Variants in ZNF292 observed in about 807,000 individuals in gnomAD.
ZNF292 encodes zinc finger protein 292.
In ZNF292, 26 loss-of-function variants were observed where a neutral mutation model predicts 217.9. That is an observed-to-expected ratio of 0.12 (90% CI 0.09 to 0.17). The LOEUF is 0.17. ZNF292 is among the 10% of genes least tolerant of loss of function. The probability of loss-of-function intolerance (pLI) is 1.00; values close to 1 mark genes in which losing one functional copy is unlikely to be tolerated. For missense variants in ZNF292, 2,904 were observed against 3,175.2 expected, an observed-to-expected ratio of 0.91 and a Z score of 2.05; for synonymous variants, 1,257 against 1,124.1, an observed-to-expected ratio of 1.12 and a Z score of -2.37.
At position 87,201,084 on chromosome 6, in the gene ZNF292, C is replaced by CT. The variant is rs1772086852; in HGVS notation, c.169-14819_169-14818insT. Among the ~76,000 whole-genome samples, 3 of 152,274 alleles carry CT rather than the reference C, an allele frequency of 2.0e-5. 1 individual carries two copies. The South Asian group carries it at 6.2e-4, about 32-fold the overall frequency. ...TGGGAGAGAGATGATATAAAGGCAACATACTCAGAAGTAAAAATGGTGGTG... is the reference window on the plus strand; with the variant it reads ...TGGGAGAGAGATGATATAAAGGCAACTATACTCAGAAGTAAAAATGGTGGTG... On this transcript the variant is annotated intron_variant, in intron 1 of 7. Transcript: ENST00000369577.
intron 7 of ZNF292, among the ~76,000 whole-genome samples, chr6:87,253,481 C>T (rs1370289646): frequency 2.0e-5 from 3 of 152,082 alleles, no homozygotes; most frequent in Admixed American, 1.3e-4. Flanking sequence ...CCTCCTGCCT[C>T]GGCCTTCCAA....
chr6:87,262,398 T>C lies in ZNF292; in HGVS notation c.*597T>C, dbSNP rs1296548802. 1 of 152,088 alleles carries C rather than the reference T, an allele frequency of 6.6e-6. No individual in the cohort carries two copies. Among genetic ancestry groups the C allele is most frequent in the African/African-American group, 2.4e-5 (1 of 41,454 alleles). 9.4% of individuals were successfully genotyped at this position (152,088 alleles called of 1,614,324 possible). On this transcript the variant is annotated 3_prime_UTR_variant, in exon 8 of 8. Coordinates refer to ENST00000369577, the MANE Select transcript of ZNF292 (RefSeq NM_015021.3). Reference sequence around the variant, plus strand: ...GATATCAAGATTACTTTTCACAAAATAGGCACATTATATCAACACTTTGCT... The same window carrying C: ...GATATCAAGATTACTTTTCACAAAACAGGCACATTATATCAACACTTTGCT...
intron 1 of ZNF292, among the ~76,000 whole-genome samples, chr6:87,192,376 T>G (rs1213758984): frequency 2.0e-5 from 3 of 151,824 alleles, no homozygotes; most frequent in African/African-American, 4.8e-5. Context: ...TTTTTTTTTT[T>G]AACCCTAGCG....
In ZNF292 at chr6:87,255,630, A is replaced by G. The variant is rs370027286; in HGVS notation, c.2001A>G (p.Pro667=). ...ATGACAAAGATAAATCCTATGAGCCAGAAGTGATTCCAGTCCAGAAACCAG... is the reference window on the plus strand; with the variant it reads ...ATGACAAAGATAAATCCTATGAGCCGGAAGTGATTCCAGTCCAGAAACCAG... ...ENDDKDKSYE[P]EVIPVQKPVP... Residue 667 remains proline, a synonymous_variant, in exon 8 of 8, where the codon CCA becomes CCG. Transcript: ENST00000369577. 7.4e-6 allele frequency: 12 copies of G among 1,612,858 alleles called. 1 individual carries two copies. The highest frequency in any genetic ancestry group is 5.3e-5 in the African/African-American group (4 of 75,060).
At chr6:87,221,068 T>C (rs1022471733) in intron 4 of ZNF292, among the ~76,000 whole-genome samples, 1 of 152,228 alleles carries the variant, frequency 6.6e-6, no homozygotes, top group African/African-American at 2.4e-5. Context: ...ACTAATCTGA[T>C]TAATTCTGAG....
At chr6:87,192,791 G>A (rs1017208779) in intron 1 of ZNF292, among the ~76,000 whole-genome samples, 3 of 152,112 alleles carry the variant, frequency 2.0e-5, no homozygotes, top group African/African-American at 7.2e-5. Flanking sequence ...CTCTACTGAT[G>A]AACGTTTACT....
rs770009454 is a variant in ZNF292, at chr6:87,258,683, A to G, written c.5054A>G (p.Asn1685Ser). 25 of 1,613,394 alleles carry G rather than the reference A, an allele frequency of 1.5e-5. 1 individual carries two copies. The East Asian group carries it at 4.7e-4, about 30-fold the overall frequency. ...PTCEPQSLVE[N>S]LTQKLNNVNN... ...TGTGAACCTCAGAGTTTGGTGGAAA[A>G]TCTAACACAGAAATTAAATAATGTT... Residue 1685 changes from asparagine to serine, a missense_variant, in exon 8 of 8, where the codon AAT (asparagine) becomes AGT (serine). Asn to Ser is a conservative substitution (Grantham distance 46). This residue lies in a region of ZNF292 where 622 missense variants were observed against 573.1 expected (regional missense o/e 1.09). Transcript: ENST00000369577.
chr6:87,188,730 T>TA, intron 1 of ZNF292, among the ~76,000 whole-genome samples: 1 of 151,046 alleles, frequency 6.6e-6, no homozygotes, highest in East Asian at 2.0e-4. Context: ...TTTTTTTTAT[T>TA]AAACAGTTTA....
chr6:87,198,173 A>G (rs1772010140), intron 1 of ZNF292, among the ~76,000 whole-genome samples: 1 of 144,620 alleles, frequency 6.9e-6, no homozygotes, highest in African/African-American at 2.7e-5. Context: ...TCACCATTGC[A>G]TGTTTATTTT....
At chr6:87,194,008 A>T (rs892249804) in intron 1 of ZNF292, among the ~76,000 whole-genome samples, 1 of 152,234 alleles carries the variant, frequency 6.6e-6, no homozygotes, top group Non-Finnish European at 1.5e-5. Flanking sequence ...GAGGAAGAGG[A>T]AAAACAAGAA....
At position 87,256,607 on chromosome 6, in the gene ZNF292, A is replaced by T. The variant is rs764055339; in HGVS notation, c.2978A>T (p.Asp993Val). ...GGTTTCCAGGAGAGAAAAGAACAAG[A>T]TTGCTTTAATGATGCCCATGTTACT... ...HPGFQERKEQ[D>V]CFNDAHVTQN... Residue 993 changes from aspartate (D) to valine (V), a missense_variant, in exon 8 of 8, where the codon GAT becomes GTT. Asp to Val is a radical substitution (Grantham distance 152). Coordinates refer to ENST00000369577, the MANE Select transcript of ZNF292 (RefSeq NM_015021.3). 17 of 1,613,550 alleles carry T rather than the reference A, an allele frequency of 1.1e-5. No homozygotes were observed. Among genetic ancestry groups the T allele is most frequent in the Non-Finnish European group, 1.4e-5 (17 of 1,179,838 alleles).
At chr6:87,174,585 T>C (rs1470229476) in intron 1 of ZNF292, among the ~76,000 whole-genome samples, 1 of 152,132 alleles carries the variant, frequency 6.6e-6, no homozygotes, top group East Asian at 1.9e-4. Context: ...CTCTTTCTAC[T>C]GCTTGCTTCG....
Position 87,155,646 on chromosome 6 carries a change from G to C in ZNF292, c.55G>C (p.Val19Leu). Residue 19 changes from valine (V) to leucine (L), a missense_variant, in exon 1 of 8, where the codon GTC becomes CTC. Val to Leu is a conservative substitution (Grantham distance 32). Around this residue, in one of 15 missense-constraint regions of ZNF292, gnomAD observed 66 missense variants for 44.1 expected, o/e 1.50. Transcript: ENST00000369577. ...ERLSCGEGGC[V>L]AELQRLGERL... ...GTTGAGTTGCGGCGAAGGCGGCTGC[G>C]TCGCGGAGCTGCAGCGCCTGGGCGA... 1 of 1,582,692 alleles carries C rather than the reference G, an allele frequency of 6.3e-7. No homozygotes were observed. The highest frequency in any genetic ancestry group is 8.6e-7 in the Non-Finnish European group (1 of 1,166,098).
intron 1 of ZNF292, among the ~76,000 whole-genome samples, chr6:87,166,160 A>G (rs1770905801): frequency 6.6e-6 from 1 of 152,196 alleles, no homozygotes; most frequent in Admixed American, 6.5e-5. Context: ...GCATTTAAGC[A>G]TGAACCCATT....
intron 7 of ZNF292, among the ~76,000 whole-genome samples, chr6:87,246,318 A>G (rs1774580713): frequency 6.6e-6 from 1 of 152,288 alleles, no homozygotes; most frequent in Non-Finnish European, 1.5e-5. Context: ...GCAGAAGGGA[A>G]GATTACATTA....
rs573081739 is a variant in ZNF292 at position 87,157,730 on chromosome 6, C to T, written c.168+1971C>T. On this transcript the variant is annotated intron_variant, in intron 1 of 7. Coordinates refer to ENST00000369577, the MANE Select transcript of ZNF292 (RefSeq NM_015021.3). ...GAGATATGGAGTCTTGCTCTGTCAC[C>T]CGGGCTGGAGTGCAGTGGTGCGATC... Among the ~76,000 whole-genome samples the T allele has an allele frequency of 7.7e-4, 117 of 152,146 alleles. 1 individual carries two copies. The South Asian group carries it at 0.023, about 30-fold the overall frequency.
chr6:87,260,024 T>C lies in ZNF292; in HGVS notation c.6395T>C (p.Ile2132Thr). ...FAAFTIQQNL[I>T]LHYQAVHKSD... is the part of the protein sequence containing the mutation. ...GCCTTTACGATACAGCAAAACTTGATTCTCCATTACCAGGCTGTACACAAA... is the reference window on the plus strand; with the variant it reads ...GCCTTTACGATACAGCAAAACTTGACTCTCCATTACCAGGCTGTACACAAA... The change falls in exon 8 of 8, where the codon ATT becomes ACT. Residue 2132 changes from isoleucine to threonine, a missense_variant. Physicochemically the swap from Ile to Thr is moderately conservative, Grantham distance 89. Around this residue, in one of 15 missense-constraint regions of ZNF292, gnomAD observed 261 missense variants for 272.8 expected, o/e 0.96. Transcript: ENST00000369577. The C allele has an allele frequency of 6.2e-7, 1 of 1,613,632 alleles. No homozygotes were observed. The highest frequency in any genetic ancestry group is 8.5e-7 in the Non-Finnish European group (1 of 1,179,676).
At chr6:87,216,222 T>TA in intron 2 of ZNF292, 77 bp from the exon 3 acceptor site, 1 of 1,371,094 alleles carries the variant, frequency 7.3e-7, no homozygotes, top group Non-Finnish European at 1.0e-6. Flanking sequence ...CTGCTTATGA[T>TA]ACTAGAATTA....
intron 4 of ZNF292, among the ~76,000 whole-genome samples, chr6:87,221,351 T>G: frequency 6.6e-6 from 1 of 152,186 alleles, no homozygotes; most frequent in East Asian, 1.9e-4. Context: ...GAAAGGTGCT[T>G]AATGCTCAAT....
Sources: gnomAD v4.1 joint callset for allele counts (sites outside exome capture counted in the v4.1 genomes callset) on GRCh38, gnomAD v4.1.1 for gene constraint, gnomAD v4.1.1 regional missense constraint, MANE v1.5 for transcripts, NCBI Gene and HGNC (gene_info 2026-07-23, HGNC 2026-07-21) for gene names.